RAVER2: variants seen among roughly 807,000 people sequenced by gnomAD.
RAVER2 encodes ribonucleoprotein, PTB binding 2.
Under a neutral mutation model 78.1 loss-of-function variants are expected in RAVER2, and 46 were observed. The observed-to-expected ratio is 0.59, with a 90% CI of 0.46 to 0.75. The LOEUF (loss-of-function observed/expected upper bound fraction) is 0.75. RAVER2 is among the 30% of genes least tolerant of loss of function. The pLI is 0.00. For missense variants in RAVER2, 793 were observed against 837.5 expected (o/e 0.95, Z 0.66); for synonymous variants, 311 against 313.3 (o/e 0.99, Z 0.08).
intron 5 of RAVER2, among the ~76,000 whole-genome samples, chr1:64,793,257 T>C (rs1652994256): frequency 6.6e-6 from 1 of 152,194 alleles, no homozygotes; most frequent in Non-Finnish European, 1.5e-5. Context: ...TTCTTTATCA[T>C]TGTGTAATTT....
chr1:64,793,513 C>G (rs1440767640), intron 5 of RAVER2, among the ~76,000 whole-genome samples: 1 of 152,084 alleles, frequency 6.6e-6, no homozygotes, highest in Non-Finnish European at 1.5e-5. Context: ...TGTGTAATCA[C>G]TTGATAGTAT....
At position 64,745,549 on chromosome 1, in the gene RAVER2, C is replaced by T; in HGVS notation, c.249+128C>T. ...GGTCGGCGCCGAGTGGTGAGAGCGG[C>T]CCCTCGGTTTGACTGAGTTCTTGGG... On this transcript the variant is annotated intron_variant, in intron 1 of 11. Coordinates refer to ENST00000294428, the Ensembl canonical transcript of RAVER2. The surrounding 1 kb of genome is among the most constrained non-coding windows in gnomAD (Gnocchi z 4.3). 8.2e-7 allele frequency: 1 copy of T among 1,218,380 alleles called. No homozygotes were observed. Among genetic ancestry groups the T allele is most frequent in the Non-Finnish European group, 1.1e-6 (1 of 940,070 alleles). The allele number at this position is 1,218,380 out of a possible 1,614,324, so 75.5% of individuals were successfully genotyped here. A position where few individuals can be genotyped will look rare whatever the true frequency, so the allele number is the denominator to read the frequency against.
At chr1:64,774,092 T>C (rs1044101927) in intron 2 of RAVER2, among the ~76,000 whole-genome samples, 14 of 152,222 alleles carry the variant, frequency 9.2e-5, no homozygotes, top group Middle Eastern at 3.2e-3. Flanking sequence ...CTTTGTCAGA[T>C]GGATAGATTG....
At chr1:64,768,813 G>A (rs1459550879) in intron 2 of RAVER2, 91 bp downstream of exon 2, 5 of 782,856 alleles carry the variant, frequency 6.4e-6, no homozygotes, top group African/African-American at 5.4e-5. Flanking sequence ...TCATGCTTAA[G>A]CTAATCATGG....
At chr1:64,779,457 C>T (rs1312963355) in intron 3 of RAVER2, among the ~76,000 whole-genome samples, 2 of 152,060 alleles carry the variant, frequency 1.3e-5, no homozygotes, top group African/African-American at 4.8e-5. Flanking sequence ...TAGTCCCACA[C>T]TCCTAGGTTC....
chr1:64,806,194 C>G (rs1383082139), intron 8 of RAVER2, among the ~76,000 whole-genome samples: 1 of 151,990 alleles, frequency 6.6e-6, no homozygotes, highest in African/African-American at 2.4e-5. Context: ...CAGAATTTTC[C>G]TATTAAAACT....
At chr1:64,759,608 C>G (rs1156821041) in intron 1 of RAVER2, among the ~76,000 whole-genome samples, 2 of 151,390 alleles carry the variant, frequency 1.3e-5, no homozygotes, top group East Asian at 3.9e-4. Context: ...GCTTTGCCTC[C>G]CGGGTTCACG....
At chr1:64,813,669 C>A (rs1183074238) in intron 10 of RAVER2, among the ~76,000 whole-genome samples, 2 of 151,706 alleles carry the variant, frequency 1.3e-5, no homozygotes, top group African/African-American at 4.8e-5. Context: ...ATCCTTGAAT[C>A]CAAACATTAA....
intron 11 of RAVER2, among the ~76,000 whole-genome samples, chr1:64,819,393 A>T (rs1049140544): frequency 6.6e-6 from 1 of 152,152 alleles, no homozygotes; most frequent in Non-Finnish European, 1.5e-5. Flanking sequence ...AGGCCAGAAA[A>T]AAAAAGGTTC....
At chr1:64,819,778 T>G (rs935071153) in intron 11 of RAVER2, among the ~76,000 whole-genome samples, 40 of 152,194 alleles carry the variant, frequency 2.6e-4, no homozygotes, top group African/African-American at 9.7e-4. Flanking sequence ...GACAGGTTTC[T>G]CAATCTTGGT....
At chr1:64,820,874 C>T (rs1653872342) in intron 11 of RAVER2, among the ~76,000 whole-genome samples, 1 of 152,116 alleles carries the variant, frequency 6.6e-6, no homozygotes, top group African/African-American at 2.4e-5. Context: ...CATTTGTGTG[C>T]ATGTGTATTT....
intron 5 of RAVER2, among the ~76,000 whole-genome samples, chr1:64,797,503 GAGA>G (rs1381590579): frequency 1.3e-5 from 2 of 152,176 alleles, no homozygotes; most frequent in Admixed American, 6.5e-5. Flanking sequence ...ATATGAAAAA[GAGA>G]AGAAGAGTTG....
chr1:64,751,600 C>A (rs1209189731), intron 1 of RAVER2, among the ~76,000 whole-genome samples: 1 of 151,966 alleles, frequency 6.6e-6, no homozygotes, highest in Non-Finnish European at 1.5e-5. Flanking sequence ...TTTTTAGATA[C>A]GGGATGTTGC....
intron 3 of RAVER2, among the ~76,000 whole-genome samples, chr1:64,779,389 AT>A (rs36002286): frequency 0.28 from 41,812 of 149,606 alleles, 6,020 homozygotes; most frequent in African/African-American, 0.37. Context: ...TATTTTTAAC[AT>A]TTTTTTTTTG....
At chr1:64,800,627 T>A (rs1653236890) in intron 5 of RAVER2, among the ~76,000 whole-genome samples, 1 of 152,216 alleles carries the variant, frequency 6.6e-6, no homozygotes, top group Non-Finnish European at 1.5e-5. Context: ...GAGGAGTTCT[T>A]TTCCGTGTAC....
At chr1:64,817,326 C>T (rs867979390) in intron 11 of RAVER2, among the ~76,000 whole-genome samples, 1 of 152,140 alleles carries the variant, frequency 6.6e-6, no homozygotes, top group South Asian at 2.1e-4. Context: ...CTAGTTCAAC[C>T]GTTGTGAAGT....
intron 7 of RAVER2, 64 bp downstream of exon 7, chr1:64,804,902 A>T: frequency 6.6e-7 from 1 of 1,509,140 alleles, no homozygotes; most frequent in Non-Finnish European, 9.2e-7. Context: ...CAGGCTGTGG[A>T]TCAGGTTGTT....
intron 6 of RAVER2, among the ~76,000 whole-genome samples, chr1:64,804,106 G>A (rs2100873107): frequency 6.6e-6 from 1 of 152,084 alleles, no homozygotes; most frequent in South Asian, 2.1e-4. Flanking sequence ...TCTCCTGCTG[G>A]TCCTTCTTCC....
intron 2 of RAVER2, among the ~76,000 whole-genome samples, chr1:64,775,742 G>A (rs1652442413): frequency 6.6e-6 from 1 of 152,126 alleles, no homozygotes; most frequent in Admixed American, 6.5e-5. Flanking sequence ...AGAAAGGCCT[G>A]GTGCAGTGGC....
Sources: allele counts gnomAD v4.1 joint callset (sites outside exome capture counted in the v4.1 genomes callset), GRCh38; gene constraint gnomAD v4.1.1; non-coding constraint Gnocchi (gnomAD v3.1); transcripts MANE v1.5; gene names NCBI Gene and HGNC (gene_info 2026-07-23, HGNC 2026-07-21).